The following PELI2 variants were observed in gnomAD, a reference collection of about 807,000 sequenced individuals.
PELI2 encodes E3 ubiquitin-protein ligase pellino homolog 2.
In PELI2, 23 loss-of-function variants were observed where a neutral mutation model predicts 42.3. That is an observed-to-expected ratio of 0.54 (90% CI 0.39 to 0.77). The LOEUF (loss-of-function observed/expected upper bound fraction) is 0.77, where lower values mean the gene tolerates loss of function less well. Ranked by LOEUF, PELI2 falls within the 30% of genes least tolerant of loss-of-function variation. The pLI is 0.00. For synonymous variants in PELI2, 245 were observed against 212.2 expected (o/e 1.15, Z -1.34); for missense variants, 463 against 553.2 (o/e 0.84, Z 1.64).
chr14:56,235,177 T>C (rs368100665), intron 2 of PELI2, among the ~76,000 whole-genome samples: 53 of 152,292 alleles, frequency 3.5e-4, no homozygotes, highest in African/African-American at 1.2e-3. Context: ...ACAATTTCTT[T>C]TGCACCAACC....
At chr14:56,119,880 A>T (rs1016557974) in intron 1 of PELI2, 1 of 980,470 alleles carries the variant, frequency 1.0e-6, no homozygotes, top group Non-Finnish European at 1.2e-6. Context: ...TAGCACACAT[A>T]TGAGGAGTCA....
At chr14:56,138,045 C>T (rs766894649) in intron 1 of PELI2, among the ~76,000 whole-genome samples, 4 of 152,142 alleles carry the variant, frequency 2.6e-5, no homozygotes, top group Admixed American at 6.5e-5. Context: ...GCTTTGTGTG[C>T]TCGATACTCC....
Position 56,180,572 on chromosome 14 carries a change from G to C in PELI2, c.207+2108G>C, listed in dbSNP as rs780461571. ...CCCTGGGTCACCGAACTATGACCAA[G>C]GGAGATGGGCAAACTAAGAGCAGAC... On this transcript the variant is annotated intron_variant, in intron 2 of 5. Coordinates refer to ENST00000267460, the MANE Select transcript of PELI2 (RefSeq NM_021255.3). The surrounding 1 kb of genome is among the most constrained non-coding windows in gnomAD (Gnocchi z 4.4). Among the ~76,000 whole-genome samples, 17 of 152,188 alleles carry C rather than the reference G, an allele frequency of 1.1e-4. No individual in the cohort carries two copies. The highest frequency in any genetic ancestry group is 2.0e-4 in the Admixed American group (3 of 15,282).
At position 56,288,674 on chromosome 14, in the gene PELI2, C is replaced by A; in HGVS notation, c.507+40C>A. The stretch of plus-strand genomic sequence containing the variant: ...GAAGTACACGATTTCTAGAAAAATG[C>A]TTGTGATTATGATATGGAACATTTA... On this transcript the variant is annotated intron_variant, in intron 4 of 5. Transcript: ENST00000267460. This position sits in a 1 kb window ranked among gnomAD's most constrained non-coding sequence, Gnocchi z 4.6. 1 of 1,474,018 alleles carries A rather than the reference C, an allele frequency of 6.8e-7. No individual in the cohort carries two copies. Among genetic ancestry groups the A allele is most frequent in the Non-Finnish European group, 9.4e-7 (1 of 1,069,178 alleles). 91.3% of individuals were successfully genotyped at this position (1,474,018 alleles called of 1,614,324 possible).
intron 2 of PELI2, among the ~76,000 whole-genome samples, chr14:56,185,606 G>C (rs376926083): frequency 6.6e-6 from 1 of 152,114 alleles, no homozygotes; most frequent in Non-Finnish European, 1.5e-5. Context: ...AAAATTTGAG[G>C]TATGATTTGC....
At chr14:56,236,528 G>A (rs770639675) in intron 2 of PELI2, among the ~76,000 whole-genome samples, 6 of 152,142 alleles carry the variant, frequency 3.9e-5, no homozygotes, top group African/African-American at 7.2e-5. Context: ...TAGCTAAAGC[G>A]TTTACAGTTC....
intron 1 of PELI2, among the ~76,000 whole-genome samples, chr14:56,163,150 C>T (rs1198713525): frequency 6.6e-6 from 1 of 152,138 alleles, no homozygotes; most frequent in Admixed American, 6.5e-5. Context: ...AAATTTTTGA[C>T]TAGGCCAGTG....
Position 56,288,368 on chromosome 14 carries a change from T to G in PELI2, c.310-69T>G, listed in dbSNP as rs941919813. ...ATGTTAAAGGAATCCTGAATGCTTT[T>G]TCCTTGTGAATAAAATACGGCACCC... On this transcript the variant is annotated intron_variant, in intron 3 of 5. Transcript: ENST00000267460. The surrounding 1 kb of genome is among the most constrained non-coding windows in gnomAD (Gnocchi z 4.6). 8 of 1,208,180 alleles carry G rather than the reference T, an allele frequency of 6.6e-6. 1 individual carries two copies. The highest frequency in any genetic ancestry group is 9.6e-6 in the Non-Finnish European group (8 of 829,524). 74.8% of individuals were successfully genotyped at this position (1,208,180 alleles called of 1,614,324 possible).
chr14:56,141,397 G>A (rs762668396), intron 1 of PELI2, among the ~76,000 whole-genome samples: 2 of 152,194 alleles, frequency 1.3e-5, no homozygotes, highest in African/African-American at 4.8e-5. Context: ...AGAATGGCCA[G>A]TTGGGCAACT....
intron 1 of PELI2, among the ~76,000 whole-genome samples, chr14:56,134,095 TCAG>T (rs1269457599): frequency 6.6e-6 from 1 of 152,230 alleles, no homozygotes; most frequent in Non-Finnish European, 1.5e-5. Context: ...GTAAAATTCT[TCAG>T]CACATAAATA....
At chr14:56,146,527 A>G (rs1474274515) in intron 1 of PELI2, among the ~76,000 whole-genome samples, 3 of 152,120 alleles carry the variant, frequency 2.0e-5, no homozygotes, top group African/African-American at 7.2e-5. Context: ...AGAAGGTGTG[A>G]ACATTAGGTT....
chr14:56,252,111 C>G (rs1888367595), intron 2 of PELI2, among the ~76,000 whole-genome samples: 1 of 152,154 alleles, frequency 6.6e-6, no homozygotes, highest in Admixed American at 6.5e-5. Flanking sequence ...ACACTGAATG[C>G]TCTCTGTACC....
chr14:56,237,124 T>C (rs1032782110), intron 2 of PELI2, among the ~76,000 whole-genome samples: 31 of 152,320 alleles, frequency 2.0e-4, no homozygotes, highest in African/African-American at 7.5e-4. Flanking sequence ...AGCTTTGACT[T>C]CTAATATTCC....
At chr14:56,131,918 C>T (rs1338373677) in intron 1 of PELI2, among the ~76,000 whole-genome samples, 3 of 152,152 alleles carry the variant, frequency 2.0e-5, no homozygotes, top group East Asian at 1.9e-4. Context: ...GCTCTTTAAT[C>T]GTGCCGAGTT....
chr14:56,210,441 T>C (rs200415316), intron 2 of PELI2, among the ~76,000 whole-genome samples: 5 of 152,116 alleles, frequency 3.3e-5, no homozygotes, highest in East Asian at 3.8e-4. Context: ...GTTTTTTTTT[T>C]CAACTATGTA....
chr14:56,188,078 A>G (rs1885831293), intron 2 of PELI2, among the ~76,000 whole-genome samples: 2 of 152,200 alleles, frequency 1.3e-5, no homozygotes, highest in South Asian at 2.1e-4. Context: ...CCTCACTCCC[A>G]GCCTCAGTGA....
At chr14:56,279,877 A>G in intron 3 of PELI2, 100 bp downstream of exon 3, 1 of 517,448 alleles carries the variant, frequency 1.9e-6, no homozygotes, top group Non-Finnish European at 3.4e-6. Flanking sequence ...GTCCAGGGGG[A>G]AAGAGTTGAA....
intron 2 of PELI2, among the ~76,000 whole-genome samples, chr14:56,278,969 C>A (rs1044873655): frequency 6.6e-6 from 1 of 152,034 alleles, no homozygotes; most frequent in Admixed American, 6.5e-5. Context: ...ACTTTTTGTT[C>A]AAACATATCA....
At chr14:56,149,275 G>C (rs768047862) in intron 1 of PELI2, among the ~76,000 whole-genome samples, 3 of 152,146 alleles carry the variant, frequency 2.0e-5, no homozygotes, top group Non-Finnish European at 4.4e-5. Flanking sequence ...TCATATCCAT[G>C]GTTATTGAAA....
Sources: allele counts gnomAD v4.1 joint callset (sites outside exome capture counted in the v4.1 genomes callset), GRCh38; gene constraint gnomAD v4.1.1; non-coding constraint Gnocchi (gnomAD v3.1); transcripts MANE v1.5; gene names NCBI Gene and HGNC (gene_info 2026-07-23, HGNC 2026-07-21).